The following PRKCH variants were observed in gnomAD, a reference collection of about 807,000 sequenced individuals.
PRKCH encodes the protein protein kinase C eta type.
PRKCH carries 28 observed loss-of-function variants against 82.5 expected under a neutral mutation model. The ratio of observed to expected loss-of-function variants is 0.34; its 90% CI spans 0.25 to 0.47. The LOEUF is 0.47. Among genes scored for constraint, PRKCH ranks in the 20% least tolerant of loss-of-function variants. The pLI, the probability that PRKCH is intolerant of heterozygous loss-of-function variation, is 1.00. For synonymous variants in PRKCH, 322 were observed against 327.4 expected, an observed-to-expected ratio of 0.98 and a Z score of 0.18; for missense variants, 705 against 881.8, an observed-to-expected ratio of 0.80 and a Z score of 2.54.
chr14:61,500,586 T>C (rs184697367), intron 10 of PRKCH, among the ~76,000 whole-genome samples: 21 of 152,248 alleles, frequency 1.4e-4, no homozygotes, highest in African/African-American at 4.6e-4. Flanking sequence ...AAAAAGGATA[T>C]TTAAATTTTC....
chr14:61,353,415 T>G lies in PRKCH; in HGVS notation c.363+30951T>G, dbSNP rs561373941. The G allele has an allele frequency of 2.6e-5, 4 of 152,334 alleles. No individual in the cohort carries two copies. The South Asian group carries it at 8.3e-4, about 32-fold the overall frequency. The allele number at this position is 152,334 out of a possible 1,614,324, so 9.4% of individuals were successfully genotyped here. A position where few individuals can be genotyped will look rare whatever the true frequency, so the allele number is the denominator to read the frequency against. On this transcript the variant is annotated intron_variant, in intron 1 of 13. Transcript: ENST00000332981. ...TGAGACTTATTTATATTAGGACAACTAAGACTTGTTTTCTCAATTTTTCAA... is the reference window on the plus strand; with the variant it reads ...TGAGACTTATTTATATTAGGACAACGAAGACTTGTTTTCTCAATTTTTCAA...
At chr14:61,244,201 C>T (rs2044862739) in intron 1 of PRKCH, among the ~76,000 whole-genome samples, 1 of 152,130 alleles carries the variant, frequency 6.6e-6, no homozygotes, top group Admixed American at 6.5e-5. Flanking sequence ...AAATGCAAAA[C>T]AATTCAATTC....
intron 1 of PRKCH, among the ~76,000 whole-genome samples, chr14:61,199,139 A>T (rs1385005610): frequency 6.6e-6 from 1 of 152,212 alleles, no homozygotes; most frequent in Admixed American, 6.5e-5. Context: ...AAACTTTCCA[A>T]AAAAAAGAGA....
chr14:61,378,504 C>T (rs2046455659), intron 1 of PRKCH, among the ~76,000 whole-genome samples: 1 of 152,170 alleles, frequency 6.6e-6, no homozygotes, highest in Non-Finnish European at 1.5e-5. Context: ...CCACACCCAG[C>T]ACTGAATAGT....
chr14:61,241,792 T>G (rs967918657), intron 1 of PRKCH, among the ~76,000 whole-genome samples: 1 of 152,184 alleles, frequency 6.6e-6, no homozygotes, highest in African/African-American at 2.4e-5. Context: ...CCGCATCTCC[T>G]CATGTATAAA....
chr14:61,419,157 T>C (rs1413033033), intron 2 of PRKCH, among the ~76,000 whole-genome samples: 2 of 152,216 alleles, frequency 1.3e-5, no homozygotes, highest in African/African-American at 4.8e-5. Context: ...AAAGACCTAT[T>C]ATAGGAATTT....
intron 1 of PRKCH, among the ~76,000 whole-genome samples, chr14:61,234,357 C>A (rs1015243022): frequency 6.6e-6 from 1 of 152,114 alleles, no homozygotes; most frequent in Admixed American, 6.5e-5. Flanking sequence ...GAGATGAAAA[C>A]AAAATATAGT....
At chr14:61,477,127 A>C (rs182048310) in intron 9 of PRKCH, 2 of 152,214 alleles carry the variant, frequency 1.3e-5, no homozygotes, top group South Asian at 4.1e-4. Flanking sequence ...CAACACTGCT[A>C]TCTGTTACGG....
chr14:61,426,081 C>T (rs958583577), intron 2 of PRKCH, among the ~76,000 whole-genome samples: 4 of 152,194 alleles, frequency 2.6e-5, no homozygotes, highest in African/African-American at 9.7e-5. Flanking sequence ...ATTACCCAGT[C>T]TCAGGTATGT....
At chr14:61,228,062 A>C (rs1184742419) in intron 1 of PRKCH, among the ~76,000 whole-genome samples, 1 of 152,126 alleles carries the variant, frequency 6.6e-6, no homozygotes, top group Non-Finnish European at 1.5e-5. Context: ...ATTGTCCCAA[A>C]GGAAGGAGGA....
intron 10 of PRKCH, among the ~76,000 whole-genome samples, chr14:61,521,290 C>G (rs1026444207): frequency 7.2e-5 from 11 of 152,230 alleles, no homozygotes; most frequent in African/African-American, 2.6e-4. Context: ...CATTTCCTTA[C>G]ATTTTTAGTC....
At chr14:61,509,204 G>T (rs1303870147) in intron 10 of PRKCH, among the ~76,000 whole-genome samples, 1 of 152,116 alleles carries the variant, frequency 6.6e-6, no homozygotes, top group South Asian at 2.1e-4. Context: ...TAAATTACGC[G>T]TAAATATGTA....
At position 61,302,156 on chromosome 14, in the gene PRKCH, ATGT is replaced by A. The variant is rs1278340489; in HGVS notation, c.-19+114490_-19+114492del. Among the ~76,000 whole-genome samples, 4 of 152,362 alleles carry A rather than the reference ATGT, an allele frequency of 2.6e-5. No individual in the cohort carries two copies. The East Asian group carries it at 7.7e-4, about 29-fold the overall frequency. Reference sequence around the variant, plus strand: ...CTAAGTTGTTGAATTTATTGGCATAATGTTATGCACAATATTTCCTTATTATTC... The same window carrying A: ...CTAAGTTGTTGAATTTATTGGCATAATATGCACAATATTTCCTTATTATTC... On this transcript the variant is annotated intron_variant, in intron 1 of 3. Transcript: ENST00000555185.
At chr14:61,235,772 C>T (rs113371155) in intron 1 of PRKCH, among the ~76,000 whole-genome samples, 5 of 152,184 alleles carry the variant, frequency 3.3e-5, no homozygotes, top group East Asian at 1.9e-4. Flanking sequence ...ATTCACAAAT[C>T]GGGCAGCCCC....
intron 1 of PRKCH, among the ~76,000 whole-genome samples, chr14:61,358,252 G>T (rs938354058): frequency 1.3e-5 from 2 of 152,134 alleles, no homozygotes; most frequent in Admixed American, 6.6e-5. Context: ...TAATGCATTT[G>T]TACAGTGCCT....
intron 1 of PRKCH, among the ~76,000 whole-genome samples, chr14:61,342,036 G>T (rs1194227789): frequency 6.6e-6 from 1 of 152,060 alleles, no homozygotes; most frequent in Non-Finnish European, 1.5e-5. Flanking sequence ...GAAGATAGTT[G>T]TGACAGTTGA....
At chr14:61,377,887 T>C (rs186542211) in intron 1 of PRKCH, among the ~76,000 whole-genome samples, 2 of 152,338 alleles carry the variant, frequency 1.3e-5, no homozygotes, top group African/African-American at 2.4e-5. Flanking sequence ...CTTTTACATG[T>C]TAATCTCTAT....
At chr14:61,260,745 C>T (rs2045038062) in intron 1 of PRKCH, among the ~76,000 whole-genome samples, 1 of 152,154 alleles carries the variant, frequency 6.6e-6, no homozygotes, top group South Asian at 2.1e-4. Context: ...AAAATAATAG[C>T]TTTGTGAGTA....
chr14:61,365,357 A>G (rs551020066), intron 1 of PRKCH, among the ~76,000 whole-genome samples: 3 of 152,264 alleles, frequency 2.0e-5, no homozygotes, highest in Admixed American at 6.5e-5. Flanking sequence ...AATATAACTT[A>G]TAATAATACT....
Sources: allele counts gnomAD v4.1 joint callset (sites outside exome capture counted in the v4.1 genomes callset), GRCh38; gene constraint gnomAD v4.1.1; transcripts MANE v1.5; gene names NCBI Gene and HGNC (gene_info 2026-07-23, HGNC 2026-07-21).